Variants in RBFOX1 observed in about 807,000 individuals in gnomAD.
RBFOX1 encodes the protein RNA binding protein fox-1 homolog 1.
RBFOX1 carries 8 observed loss-of-function variants against 57.7 expected under a neutral mutation model. That is an observed-to-expected ratio of 0.14 (90% CI 0.08 to 0.25). RBFOX1 has a LOEUF of 0.25. RBFOX1 is among the 10% of genes least tolerant of loss of function. RBFOX1 has a pLI of 1.00. For synonymous variants in RBFOX1, 326 were observed against 222.4 expected (o/e 1.47, Z -4.15); for missense variants, 611 against 548.5 (o/e 1.11, Z -1.14).
In RBFOX1 at chr16:7,224,073, C is replaced by T. The variant is rs749226419; in HGVS notation, c.27+171975C>T. ...GGATGCATCAGAGGTTGCTTAGGCT[C>T]GTTGTTCTGGGTCTTTCAGGATCTA... On this transcript the variant is annotated intron_variant, in intron 4 of 15. Transcript: ENST00000550418. 2.1e-4 allele frequency among the ~76,000 whole-genome samples: 27 copies of T among 126,174 alleles called. No individual in the cohort carries two copies. The South Asian group carries it at 2.9e-3, about 14-fold the overall frequency. 82.8% of individuals were successfully genotyped at this position (126,174 alleles called of 152,430 possible).
intron 4 of RBFOX1, among the ~76,000 whole-genome samples, chr16:7,472,054 C>T (rs150929936): frequency 1.9e-4 from 29 of 152,300 alleles, no homozygotes; most frequent in African/African-American, 7.0e-4. Context: ...CACAATTTAG[C>T]TGCTATGCCT....
chr16:7,266,106 C>G (rs1349284624), intron 4 of RBFOX1, among the ~76,000 whole-genome samples: 1 of 151,704 alleles, frequency 6.6e-6, no homozygotes, highest in African/African-American at 2.4e-5. Context: ...TCCCAAGTAG[C>G]TGGGACTACA....
chr16:7,602,232 C>A (rs1399022437), intron 9 of RBFOX1, among the ~76,000 whole-genome samples: 1 of 152,142 alleles, frequency 6.6e-6, no homozygotes, highest in African/African-American at 2.4e-5. Flanking sequence ...TGACACTTGA[C>A]CTTTGACAAG....
At chr16:6,688,417 G>C (rs1044270175) in intron 3 of RBFOX1, among the ~76,000 whole-genome samples, 1 of 152,120 alleles carries the variant, frequency 6.6e-6, no homozygotes, top group African/African-American at 2.4e-5. Flanking sequence ...TTTGAGCAGG[G>C]ACACAGATGC....
intron 4 of RBFOX1, among the ~76,000 whole-genome samples, chr16:7,195,968 A>G (rs953232989): frequency 7.9e-5 from 12 of 151,994 alleles, no homozygotes; most frequent in Non-Finnish European, 1.5e-4. Flanking sequence ...CCACACTGCT[A>G]TTTGTGGCAA....
rs60159843 is a variant in RBFOX1, at chr16:6,575,041, TA to T, written c.-63-79541del. Among the ~76,000 whole-genome samples the T allele has an allele frequency of 2.4e-3, 341 of 142,184 alleles. 1 individual carries two copies. The highest frequency in any genetic ancestry group is 8.2e-3 in the African/African-American group (300 of 36,550). 93.3% of individuals were successfully genotyped at this position (142,184 alleles called of 152,430 possible). ...GGACAGAGCGAGACTCCGTCTCAAT[TA>T]AAAAAAAAAAAAAAAAAAAACAGCA... On this transcript the variant is annotated intron_variant, in intron 2 of 15. Coordinates refer to ENST00000550418, the MANE Select transcript of RBFOX1 (RefSeq NM_018723.4).
intron 4 of RBFOX1, among the ~76,000 whole-genome samples, chr16:7,482,252 G>C (rs1367227234): frequency 2.0e-5 from 3 of 152,212 alleles, no homozygotes; most frequent in Non-Finnish European, 4.4e-5. Context: ...CTCAAACAGT[G>C]TCAGCTGCAA....
chr16:5,567,764 G>A (rs920798070), intron 2 of RBFOX1, among the ~76,000 whole-genome samples: 4 of 150,834 alleles, frequency 2.7e-5, no homozygotes, highest in Admixed American at 6.7e-5. Context: ...CATCATTGTC[G>A]TCACCGTCAC....
intron 2 of RBFOX1, among the ~76,000 whole-genome samples, chr16:6,507,596 A>G (rs986058178): frequency 5.3e-5 from 8 of 151,178 alleles, no homozygotes; most frequent in Non-Finnish European, 1.0e-4. Flanking sequence ...ACTTGAGCCC[A>G]GGAGGTGGAG....
intron 3 of RBFOX1, among the ~76,000 whole-genome samples, chr16:7,030,103 A>G (rs2153690443): frequency 6.6e-6 from 1 of 152,324 alleles, no homozygotes; most frequent in South Asian, 2.1e-4. Flanking sequence ...GCCAAAAATT[A>G]TAATGAGTAG....
intron 4 of RBFOX1, among the ~76,000 whole-genome samples, chr16:7,079,126 G>C (rs748197957): frequency 2.1e-4 from 32 of 151,948 alleles, no homozygotes; most frequent in Non-Finnish European, 3.7e-4. Flanking sequence ...CAATCAGCAG[G>C]AGCCATACAT....
chr16:5,643,881 T>G (rs1213718409), intron 3 of RBFOX1, among the ~76,000 whole-genome samples: 2 of 152,294 alleles, frequency 1.3e-5, no homozygotes, highest in Admixed American at 6.5e-5. Flanking sequence ...ACAGTATGAA[T>G]AAAAATTAAC....
chr16:5,979,737 C>T (rs1395190516), intron 4 of RBFOX1, among the ~76,000 whole-genome samples: 3 of 152,144 alleles, frequency 2.0e-5, no homozygotes, highest in Admixed American at 6.5e-5. Context: ...TGGTGTGCAC[C>T]TGTAGTCCCA....
chr16:5,827,806 C>A (rs2056117995), intron 3 of RBFOX1, among the ~76,000 whole-genome samples: 1 of 152,104 alleles, frequency 6.6e-6, no homozygotes, highest in Non-Finnish European at 1.5e-5. Flanking sequence ...TCCATTCATT[C>A]ATTCATCCAC....
intron 4 of RBFOX1, among the ~76,000 whole-genome samples, chr16:7,055,582 G>T (rs935643796): frequency 3.3e-5 from 5 of 152,124 alleles, no homozygotes; most frequent in Non-Finnish European, 7.3e-5. Flanking sequence ...TTTACTGCAG[G>T]AAAATAATTC....
chr16:7,426,289 T>G (rs2149469681), intron 4 of RBFOX1, among the ~76,000 whole-genome samples: 1 of 152,314 alleles, frequency 6.6e-6, no homozygotes, highest in African/African-American at 2.4e-5. Context: ...CGCTTAATCC[T>G]TACTAGCAAT....
chr16:6,773,409 G>A (rs2078761553), intron 3 of RBFOX1, among the ~76,000 whole-genome samples: 1 of 149,102 alleles, frequency 6.7e-6, no homozygotes, highest in Non-Finnish European at 1.5e-5. Flanking sequence ...GTGTATCTAT[G>A]TGTATGTGTG....
At chr16:5,942,943 C>T (rs1402048092) in intron 4 of RBFOX1, among the ~76,000 whole-genome samples, 1 of 152,184 alleles carries the variant, frequency 6.6e-6, no homozygotes, top group South Asian at 2.1e-4. Flanking sequence ...TGAGCCTACA[C>T]TGTCTCGGGC....
intron 12 of RBFOX1, among the ~76,000 whole-genome samples, chr16:7,664,328 C>G (rs190623843): frequency 6.6e-6 from 1 of 152,266 alleles, no homozygotes; most frequent in East Asian, 1.9e-4. Context: ...TGCTCACCCA[C>G]ATACTATTAG....
Sources: allele counts gnomAD v4.1 joint callset (sites outside exome capture counted in the v4.1 genomes callset), GRCh38; gene constraint gnomAD v4.1.1; transcripts MANE v1.5; gene names NCBI Gene and HGNC (gene_info 2026-07-23, HGNC 2026-07-21).